AS3MT: variants seen among roughly 807,000 people sequenced by gnomAD.
The protein encoded by AS3MT is S-adenosyl-L-methionine:arsenic(III) methyltransferase.
Under a neutral mutation model 45.3 loss-of-function variants are expected in AS3MT, and 47 were observed. The ratio of observed to expected loss-of-function variants is 1.04; its 90% CI spans 0.82 to 1.32. The LOEUF is 1.32. Among genes scored for constraint, AS3MT ranks in the 40% most tolerant of loss-of-function variants. AS3MT has a pLI of 0.00. For synonymous variants in AS3MT, 141 were observed against 152.8 expected, an observed-to-expected ratio of 0.92 and a Z score of 0.57; for missense variants, 396 against 451.1, an observed-to-expected ratio of 0.88 and a Z score of 1.11.
intron 10 of AS3MT, among the ~76,000 whole-genome samples, chr10:102,899,981 T>C (rs1271968093): frequency 6.6e-6 from 1 of 152,242 alleles, no homozygotes; most frequent in East Asian, 1.9e-4. Flanking sequence ...TGCTCTTGAT[T>C]TCCTATCTTT....
In AS3MT at chr10:102,883,957, T is replaced by C. The variant is rs1844906655; in HGVS notation, c.885+4966T>C. Among the ~76,000 whole-genome samples the C allele has an allele frequency of 2.0e-5, 3 of 151,054 alleles. No homozygotes were observed. The South Asian group carries it at 6.3e-4, about 32-fold the overall frequency. ...CTACTCTTTTAGCAATTTTCTTTTT[T>C]CTTTTCTTTTCTTTCTTTATTTCTT... On this transcript the variant is annotated intron_variant, in intron 9 of 10. Transcript: ENST00000369880.
intron 9 of AS3MT, among the ~76,000 whole-genome samples, chr10:102,879,392 A>G (rs1844838452): frequency 1.3e-5 from 2 of 152,046 alleles, no homozygotes; most frequent in African/African-American, 4.8e-5. Context: ...CCTGGGCTCA[A>G]GTGATGTGCC....
At chr10:102,894,401 C>G (rs572395194) in intron 10 of AS3MT, among the ~76,000 whole-genome samples, 1 of 149,982 alleles carries the variant, frequency 6.7e-6, no homozygotes, top group East Asian at 1.9e-4. Flanking sequence ...CTAACCTGGG[C>G]GACAGAGCGA....
chr10:102,897,386 GAA>G (rs201863292), intron 10 of AS3MT, among the ~76,000 whole-genome samples: 44,178 of 142,156 alleles, frequency 0.31, 6,825 homozygotes, highest in East Asian at 0.49. Flanking sequence ...TCCGTCTCAA[GAA>G]AAAAAAAAAA....
At chr10:102,872,082 A>G (rs959590722) in intron 3 of AS3MT, among the ~76,000 whole-genome samples, 1 of 152,018 alleles carries the variant, frequency 6.6e-6, no homozygotes, top group Non-Finnish European at 1.5e-5. Flanking sequence ...ACAGGGTTTC[A>G]CTATGTTGGC....
At chr10:102,890,738 T>C (rs1045483686) in intron 10 of AS3MT, 60 bp downstream of exon 10, 5 of 1,480,048 alleles carry the variant, frequency 3.4e-6, no homozygotes, top group Middle Eastern at 1.8e-4. Context: ...TGAGATGGAG[T>C]CTCTCTCTGT....
chr10:102,877,072 G>T, intron 7 of AS3MT, 37 bp downstream of exon 7: 1 of 1,577,676 alleles, frequency 6.3e-7, no homozygotes. Flanking sequence ...TAAGGCAGAT[G>T]GTTGTACATG....
chr10:102,900,998 A>C lies in AS3MT; in HGVS notation c.*298A>C, dbSNP rs1325720958. The C allele has an allele frequency of 4.6e-6, 1 of 217,158 alleles. No individual in the cohort carries two copies. The highest frequency in any genetic ancestry group is 2.3e-5 in the African/African-American group (1 of 42,988). The allele number at this position is 217,158 out of a possible 1,614,324, so 13.5% of individuals were successfully genotyped here. Reference sequence around the variant, plus strand: ...GCTACTCGGGAGGCTGAGGCAGGAGAATTGCTTGAACCCAGGAAGTAGAGG... The same window carrying C: ...GCTACTCGGGAGGCTGAGGCAGGAGCATTGCTTGAACCCAGGAAGTAGAGG... On this transcript the variant is annotated 3_prime_UTR_variant, in exon 11 of 11. Coordinates refer to ENST00000369880, the MANE Select transcript of AS3MT (RefSeq NM_020682.4).
intron 10 of AS3MT, among the ~76,000 whole-genome samples, chr10:102,894,068 G>GT (rs1400347102): frequency 2.0e-5 from 3 of 152,192 alleles, no homozygotes; most frequent in Non-Finnish European, 4.4e-5. Context: ...TAAAATAAAA[G>GT]TTTGGTGACC....
intron 9 of AS3MT, among the ~76,000 whole-genome samples, chr10:102,884,532 A>T (rs2134121078): frequency 6.6e-6 from 1 of 151,592 alleles, no homozygotes; most frequent in Non-Finnish European, 1.5e-5. Flanking sequence ...TGCAGATATG[A>T]CATTTTTGGG....
At chr10:102,890,427 C>A in intron 9 of AS3MT, 117 bp from the exon 10 acceptor site, 1 of 744,994 alleles carries the variant, frequency 1.3e-6, no homozygotes, top group Non-Finnish European at 2.1e-6. Flanking sequence ...TTCCCACCAA[C>A]AGTGTGTAAG....
chr10:102,884,213 C>T (rs1394216071), intron 9 of AS3MT, among the ~76,000 whole-genome samples: 2 of 152,056 alleles, frequency 1.3e-5, no homozygotes, highest in Non-Finnish European at 1.5e-5. Context: ...CTCCTGACCT[C>T]AGGTGATCCC....
At chr10:102,896,763 C>T (rs1323863769) in intron 10 of AS3MT, among the ~76,000 whole-genome samples, 1 of 150,698 alleles carries the variant, frequency 6.6e-6, no homozygotes, top group Non-Finnish European at 1.5e-5. Flanking sequence ...GAGCCGAGAT[C>T]GCGCCACTGC....
At chr10:102,895,072 G>A (rs1445450701) in intron 10 of AS3MT, among the ~76,000 whole-genome samples, 1 of 152,128 alleles carries the variant, frequency 6.6e-6, no homozygotes, top group Non-Finnish European at 1.5e-5. Flanking sequence ...TTTAGAGTTT[G>A]ACCCTTTTTG....
intron 10 of AS3MT, among the ~76,000 whole-genome samples, chr10:102,890,905 G>A (rs566455368): frequency 5.3e-4 from 81 of 152,128 alleles, no homozygotes; most frequent in Middle Eastern, 6.8e-3. Flanking sequence ...TAGAGATGGG[G>A]TTTCGCCATG....
At chr10:102,880,574 C>T (rs574979540) in intron 9 of AS3MT, among the ~76,000 whole-genome samples, 5 of 152,212 alleles carry the variant, frequency 3.3e-5, no homozygotes, top group African/African-American at 1.2e-4. Flanking sequence ...AACAAAAAAA[C>T]CAGACCTCAA....
intron 10 of AS3MT, among the ~76,000 whole-genome samples, chr10:102,899,556 A>T (rs1348052024): frequency 6.6e-6 from 1 of 152,140 alleles, no homozygotes; most frequent in Non-Finnish European, 1.5e-5. Flanking sequence ...ATGAATGTAG[A>T]GTCTGTGCCT....
Position 102,878,853 on chromosome 10 carries a change from C to T in AS3MT, c.747C>T (p.Asp249=). 2 of 1,611,428 alleles carry T rather than the reference C, an allele frequency of 1.2e-6. No individual in the cohort carries two copies. Among genetic ancestry groups the T allele is most frequent in the African/African-American group, 2.7e-5 (2 of 74,900 alleles). Residue 249 remains aspartate (D), a synonymous_variant, in exon 9 of 11, where the codon GAC becomes GAT. Transcript: ENST00000369880. The part of the protein sequence containing the change: ...QNKELERVIG[D]CRFVSATFRL... ...GTGAATAAATTCTATTTTTAGGTGA[C>T]TGTCGTTTTGTTTCTGCAACATTTC...
At chr10:102,898,324 G>A (rs946614473) in intron 10 of AS3MT, among the ~76,000 whole-genome samples, 7 of 151,638 alleles carry the variant, frequency 4.6e-5, no homozygotes, top group African/African-American at 4.8e-5. Flanking sequence ...GGCTGGGCGT[G>A]GTGGCTCACA....
Sources: gnomAD v4.1 joint callset for allele counts (sites outside exome capture counted in the v4.1 genomes callset) on GRCh38, gnomAD v4.1.1 for gene constraint, MANE v1.5 for transcripts, NCBI Gene and HGNC (gene_info 2026-07-23, HGNC 2026-07-21) for gene names.